Variants in FSCN2 observed in about 807,000 individuals in gnomAD.
The protein encoded by FSCN2 is fascin actin-bundling protein 2, retinal.
In FSCN2, 46 loss-of-function variants were observed where a neutral mutation model predicts 37.8. That is an observed-to-expected ratio of 1.22 (90% CI 0.96 to 1.56). The LOEUF is 1.56. FSCN2 is among the 40% of genes most tolerant of loss of function. The pLI, the probability that FSCN2 is intolerant of heterozygous loss-of-function variation, is 0.00. For missense variants in FSCN2, 844 were observed against 730.4 expected, an observed-to-expected ratio of 1.16 and a Z score of -1.79; for synonymous variants, 351 against 309.4, an observed-to-expected ratio of 1.13 and a Z score of -1.41.
chr17:81,537,033 C>A lies in FSCN2; in HGVS notation c.1432C>A (p.Arg478=), dbSNP rs1271501837. The A allele has an allele frequency of 6.7e-7, 1 of 1,482,598 alleles. No individual in the cohort carries two copies. Among genetic ancestry groups the A allele is most frequent in the African/African-American group, 1.5e-5 (1 of 68,202 alleles). The allele number at this position is 1,482,598 out of a possible 1,614,324, so 91.8% of individuals were successfully genotyped here. The change falls in exon 5 of 5, where the codon CGG becomes AGG. Residue 478 remains arginine (R), a synonymous_variant. Transcript: ENST00000417245. ...GCGCGGCGGCGCCTCGGGCCTGCTG[C>A]GGGCCGATGCCGACGCCCCGGCCGG... The part of the protein sequence containing the change: ...YLRGGASGLL[R]ADADAPAGTA...
chr17:81,525,432 A>AAAAAAAAAAAAAAAAAAAAAAAAAAAAC (rs2032322856), upstream of FSCN2, among the ~76,000 whole-genome samples: 1 of 147,302 alleles, frequency 6.8e-6, no homozygotes, highest in South Asian at 2.1e-4. Context: ...TCTCAAAAAA[A>AAAAAAAAAAAAAAAAAAAAAAAAAAAAC]AAAAAAAAGG....
At chr17:81,535,854 ACCATCCCCCTCT>A (rs1373316314) in intron 2 of FSCN2, among the ~76,000 whole-genome samples, 4 of 93,892 alleles carry the variant, frequency 4.3e-5, no homozygotes, top group Non-Finnish European at 8.2e-5. Context: ...CATCTCCATC[ACCATCCCCCTCT>A]CCATCCCCAT....
chr17:81,528,642 AC>A lies in FSCN2; in HGVS notation c.114del (p.Ser39AlafsTer106). On this transcript the variant is annotated frameshift_variant, in exon 1 of 5. Transcript: ENST00000417245. LOFTEE classifies it high-confidence loss of function. ...TCGGCTTCAAGGTCAATGCCTCGGC[AC>A]CCAGCCTCAAGAGGAAGCAGACCTG... ...SFGFKVNASA[P>X]SLKRKQTWVL... 6.2e-7 allele frequency: 1 copy of A among 1,603,612 alleles called. No individual in the cohort carries two copies. Among genetic ancestry groups the A allele is most frequent in the South Asian group, 1.1e-5 (1 of 89,434 alleles).
Position 81,536,613 on chromosome 17 carries a change from C to A in FSCN2, c.1106-9C>A. The A allele has an allele frequency of 6.2e-7, 1 of 1,607,894 alleles. No individual in the cohort carries two copies. Among genetic ancestry groups the A allele is most frequent in the Non-Finnish European group, 8.5e-7 (1 of 1,179,608 alleles). On this transcript the variant is annotated splice_polypyrimidine_tract_variant and intron_variant, in intron 3 of 4. Coordinates refer to ENST00000417245, the MANE Select transcript of FSCN2 (RefSeq NM_012418.4). ...GGAGGGGCAGCGCAGCAGACGCTCT[C>A]CCCGCCAGGCAAGGACGAAGAGTTC...
rs781808566 is a variant in FSCN2, at chr17:81,528,832, G to A, written c.301G>A (p.Val101Met). Residue 101 changes from valine to methionine, a missense_variant, in exon 1 of 5, where the codon GTG becomes ATG. Physicochemically the swap from Val to Met is conservative, Grantham distance 21. Transcript: ENST00000417245. ...CCTGCCGCAGCCAGATGGGCGCTGG[G>A]TGCTGCGGTCCGAGCCGCACGGCCG... ...LVLPQPDGRW[V>M]LRSEPHGRFF... 58 of 1,556,588 alleles carry A rather than the reference G, an allele frequency of 3.7e-5. 1 individual carries two copies. In the South Asian group the frequency reaches 6.5e-4, roughly 17 times the overall value.
At chr17:81,517,399 C>G in the FSCN2 span, among the ~76,000 whole-genome samples, 2 of 152,204 alleles carry the variant, frequency 1.3e-5, no homozygotes, top group Non-Finnish European at 2.9e-5. Context: ...TGTGGCCCAT[C>G]AGGGGCTCTG....
Position 81,536,236 on chromosome 17 carries a change from T to A in FSCN2, c.1074T>A (p.Asn358Lys), listed in dbSNP as rs772944348. 4 of 1,601,876 alleles carry A rather than the reference T, an allele frequency of 2.5e-6. No individual in the cohort carries two copies. In the South Asian group the frequency reaches 3.4e-5, roughly 14 times the overall value. Residue 358 changes from asparagine to lysine, a missense_variant, in exon 3 of 5, where the codon AAT becomes AAA. By Grantham distance (94) the Asn-to-Lys change is moderately conservative. Coordinates refer to ENST00000417245, the MANE Select transcript of FSCN2 (RefSeq NM_012418.4). The stretch of plus-strand genomic sequence containing the variant: ...GGCGCTACGTGTGCATGAAGAAGAA[T>A]GGGCAGCTGGCGGCTATCAGCGATT... ...SNGRYVCMKK[N>K]GQLAAISDFV... is the part of the protein sequence containing the mutation.
At chr17:81,517,020 G>A in the FSCN2 span, among the ~76,000 whole-genome samples, 2 of 152,166 alleles carry the variant, frequency 1.3e-5, no homozygotes, top group East Asian at 1.9e-4. Flanking sequence ...CCTGGGTCAG[G>A]GTAATTAGCC....
chr17:81,535,771 T>C (rs1375125264), intron 2 of FSCN2, among the ~76,000 whole-genome samples: 2 of 17,600 alleles, frequency 1.1e-4, no homozygotes, highest in Non-Finnish European at 1.1e-4. Flanking sequence ...CTCATCCCCA[T>C]CCCCCTCACC....
At chr17:81,525,281 C>T (rs1001347896), upstream of FSCN2, among the ~76,000 whole-genome samples, 14 of 151,578 alleles carry the variant, frequency 9.2e-5, no homozygotes, top group African/African-American at 2.9e-4. Flanking sequence ...CAAAAACTAG[C>T]GGGGCGTGGT....
chr17:81,524,358 C>T (rs2032286269), upstream of FSCN2, among the ~76,000 whole-genome samples: 1 of 152,216 alleles, frequency 6.6e-6, no homozygotes, highest in Non-Finnish European at 1.5e-5. Flanking sequence ...GGTACTGCTA[C>T]CCCAAACAGC....
chr17:81,531,489 A>ATGGTGATGGTGGTGG (rs1487431864), intron 1 of FSCN2, among the ~76,000 whole-genome samples: 2 of 83,694 alleles, frequency 2.4e-5, no homozygotes, highest in African/African-American at 5.0e-5. Context: ...GATGGTGATG[A>ATGGTGATGGTGGTGG]TGGTGATGGT....
At chr17:81,529,959 G>A (rs993372361) in intron 1 of FSCN2, among the ~76,000 whole-genome samples, 9 of 152,214 alleles carry the variant, frequency 5.9e-5, no homozygotes, top group Non-Finnish European at 1.2e-4. Context: ...ACAGGCGCCC[G>A]CCACCACGCC....
the FSCN2 span, among the ~76,000 whole-genome samples, chr17:81,520,483 T>G: frequency 6.6e-6 from 1 of 152,154 alleles, no homozygotes; most frequent in African/African-American, 2.4e-5. Context: ...TTTCCTCCAG[T>G]CCTTAGGACA....
At chr17:81,531,666 ATGATGG>A (rs1370433651) in intron 1 of FSCN2, among the ~76,000 whole-genome samples, 1 of 69,540 alleles carries the variant, frequency 1.4e-5, no homozygotes, top group African/African-American at 6.0e-5. Context: ...GATGGTGATG[ATGATGG>A]TGATGATGAT....
chr17:81,525,036 C>T (rs1218923489), upstream of FSCN2, among the ~76,000 whole-genome samples: 3 of 152,164 alleles, frequency 2.0e-5, no homozygotes, highest in Non-Finnish European at 2.9e-5. Flanking sequence ...GGGAGGATCG[C>T]CGGAGCCCAG....
chr17:81,519,760 G>A, the FSCN2 span, among the ~76,000 whole-genome samples: 1 of 152,174 alleles, frequency 6.6e-6, no homozygotes, highest in African/African-American at 2.4e-5. Flanking sequence ...TGGATGAGGG[G>A]GTGGCCCGGG....
At chr17:81,534,989 T>G in intron 1 of FSCN2, 63 bp from the exon 2 acceptor site, 1 of 1,303,788 alleles carries the variant, frequency 7.7e-7, no homozygotes, top group Admixed American at 2.8e-5. Flanking sequence ...CCCCAAAATA[T>G]GCCCCCTCCC....
chr17:81,515,780 T>C, the FSCN2 span, among the ~76,000 whole-genome samples: 534 of 152,390 alleles, frequency 3.5e-3, 3 homozygotes, highest in Middle Eastern at 0.054. Context: ...GGCGTGGGCA[T>C]GGGTCCCCAC....
Sources: allele counts gnomAD v4.1 joint callset (sites outside exome capture counted in the v4.1 genomes callset), GRCh38; gene constraint gnomAD v4.1.1; transcripts MANE v1.5; gene names NCBI Gene and HGNC (gene_info 2026-07-23, HGNC 2026-07-21).